Variants in DZIP1L observed in about 807,000 individuals in gnomAD.
DZIP1L encodes the protein cilium assembly protein DZIP1L.
DZIP1L carries 90 observed loss-of-function variants against 88.7 expected under a neutral mutation model. The ratio of observed to expected loss-of-function variants is 1.02; its 90% confidence interval spans 0.86 to 1.21. The LOEUF (loss-of-function observed/expected upper bound fraction) is 1.21. DZIP1L is among the 50% of genes most tolerant of loss of function. The pLI is 0.00. For synonymous variants in DZIP1L, 363 were observed against 372.1 expected (o/e 0.98, Z 0.28); for missense variants, 932 against 955.8 (o/e 0.98, Z 0.33).
rs553542963 is a variant in DZIP1L, at chr3:138,113,964, T to C, written c.-82+1364A>G. 2.6e-5 allele frequency among the ~76,000 whole-genome samples: 4 copies of C among 152,368 alleles called. No individual in the cohort carries two copies. The South Asian group carries it at 8.3e-4, about 32-fold the overall frequency. Reference sequence around the variant, plus strand: ...TTGACTGATGTCTCTTGGGAGTGTTTTAGAGAAGAGGAATGAATACTGACA... The same window carrying C: ...TTGACTGATGTCTCTTGGGAGTGTTCTAGAGAAGAGGAATGAATACTGACA... On this transcript the variant is annotated intron_variant, in intron 1 of 15. Transcript: ENST00000327532.
chr3:138,081,683 G>T (rs760074551), intron 9 of DZIP1L, 51 bp downstream of exon 9: 2 of 1,569,920 alleles, frequency 1.3e-6, no homozygotes, highest in Non-Finnish European at 8.7e-7. Flanking sequence ...AGGGAGAAAA[G>T]CCAGAGACAA....
Position 138,103,979 on chromosome 3 carries a change from G to A in DZIP1L, c.-8C>T, listed in dbSNP as rs1260106891. On this transcript the variant is annotated 5_prime_UTR_variant, in exon 2 of 16. Coordinates refer to ENST00000327532, the MANE Select transcript of DZIP1L (RefSeq NM_173543.3). Reference sequence around the variant, plus strand: ...GGCAGCTGGGGACTGCATGGGCAGAGGAAGCCCTGAGCTGACCACCAGAGG... The same window carrying A: ...GGCAGCTGGGGACTGCATGGGCAGAAGAAGCCCTGAGCTGACCACCAGAGG... 1 of 1,606,176 alleles carries A rather than the reference G, an allele frequency of 6.2e-7. No homozygotes were observed. The highest frequency in any genetic ancestry group is 1.7e-5 in the Admixed American group (1 of 59,672).
intron 11 of DZIP1L, among the ~76,000 whole-genome samples, chr3:138,076,614 C>G (rs1036351709): frequency 6.6e-6 from 1 of 152,112 alleles, no homozygotes; most frequent in African/African-American, 2.4e-5. Context: ...TTTGCTGCAA[C>G]CTGGATGGAA....
Position 138,084,193 on chromosome 3 carries a change from C to A in DZIP1L, c.1123G>T (p.Ala375Ser). Residue 375 changes from alanine (A) to serine (S), a missense_variant, in exon 8 of 16, where the codon GCC becomes TCC. By Grantham distance (99) the Ala-to-Ser change is moderately conservative. Coordinates refer to ENST00000327532, the MANE Select transcript of DZIP1L (RefSeq NM_173543.3). The stretch of plus-strand genomic sequence containing the variant: ...GTGCTGATCTGGCACTGGGACTGGG[C>A]AGCTGCCTTCTTCTGATCCTGAGAC... ...SLSQDQKKAA[A>S]QSQCQISTLR... The A allele has an allele frequency of 6.2e-7, 1 of 1,614,204 alleles. No homozygotes were observed. The highest frequency in any genetic ancestry group is 1.1e-5 in the South Asian group (1 of 91,088).
At chr3:138,102,917 T>C (rs1374245051) in intron 2 of DZIP1L, 5 of 574,974 alleles carry the variant, frequency 8.7e-6, no homozygotes, top group South Asian at 1.9e-5. Flanking sequence ...CTGATGAACA[T>C]GGTGGAAGCA....
At chr3:138,112,580 A>G (rs1451605520) in intron 1 of DZIP1L, 1 of 152,220 alleles carries the variant, frequency 6.6e-6, no homozygotes, top group African/African-American at 2.4e-5. Context: ...GGGCAAGGAC[A>G]TCGTGCTTTT....
intron 1 of DZIP1L, among the ~76,000 whole-genome samples, chr3:138,107,394 A>T (rs1484507499): frequency 1.3e-5 from 2 of 152,130 alleles, no homozygotes; most frequent in Non-Finnish European, 2.9e-5. Flanking sequence ...CCACCAGGAG[A>T]TGATGCAGCA....
In DZIP1L at chr3:138,063,249, G is replaced by C. The variant is rs936979485; in HGVS notation, c.2143-272C>G. 3.9e-5 allele frequency among the ~76,000 whole-genome samples: 6 copies of C among 152,196 alleles called. No homozygotes were observed. Among genetic ancestry groups the C allele is most frequent in the African/African-American group, 1.4e-4 (6 of 41,452 alleles). On this transcript the variant is annotated intron_variant, in intron 15 of 15. Transcript: ENST00000327532. The surrounding 1 kb of genome is among the most constrained non-coding windows in gnomAD (Gnocchi z 4.1). Reference sequence around the variant, plus strand: ...AGTGCCTTGGAAAGGCCTATGTGCAGAGAAGGTTGCTCTCATTTTCACTTC... The same window carrying C: ...AGTGCCTTGGAAAGGCCTATGTGCACAGAAGGTTGCTCTCATTTTCACTTC...
At chr3:138,073,989 A>G (rs1336110394) in intron 11 of DZIP1L, among the ~76,000 whole-genome samples, 1 of 152,160 alleles carries the variant, frequency 6.6e-6, no homozygotes, top group Non-Finnish European at 1.5e-5. Context: ...AGGCTTTCGA[A>G]TTAACACAAT....
At chr3:138,111,761 G>A (rs1178529406) in intron 1 of DZIP1L, among the ~76,000 whole-genome samples, 2 of 152,162 alleles carry the variant, frequency 1.3e-5, no homozygotes, top group Admixed American at 1.3e-4. Flanking sequence ...TTGGGAGGCT[G>A]AGACAGGCGG....
rs115148369 is a variant in DZIP1L at position 138,063,677 on chromosome 3, G to A, written c.2143-700C>T. 0.025 allele frequency among the ~76,000 whole-genome samples: 3,755 copies of A among 152,342 alleles called. 98 individuals carry two copies. The highest frequency in any genetic ancestry group is 0.031 in the Non-Finnish European group (2,137 of 68,032). On this transcript the variant is annotated intron_variant, in intron 15 of 15. Transcript: ENST00000327532. The surrounding 1 kb of genome is among the most constrained non-coding windows in gnomAD (Gnocchi z 4.1). ...CCAATCAGAACCCATGCAGGGTGCA[G>A]GGCAGCAAGCATGCTCTGAGCGGCG... is the stretch of plus-strand genomic sequence containing the variant.
At chr3:138,078,540 C>T (rs1455609192) in intron 10 of DZIP1L, among the ~76,000 whole-genome samples, 2 of 152,282 alleles carry the variant, frequency 1.3e-5, no homozygotes, top group African/African-American at 2.4e-5. Context: ...TAATAAACAG[C>T]GAAGCCTGAG....
rs1344583642 is a variant in DZIP1L, at chr3:138,087,013, C to T, written c.1010G>A (p.Trp337Ter). 2 of 1,613,742 alleles carry T rather than the reference C, an allele frequency of 1.2e-6. No individual in the cohort carries two copies. Among genetic ancestry groups the T allele is most frequent in the Admixed American group, 1.7e-5 (1 of 59,958 alleles). ...ATGCAGTTCCTTCACTTTTCTTTTC[C>T]ACTCCGTTTTCTGAAAAAGATTAAA... ...REKTEIQKTE[W>*]KRKVKELHEE... Residue 337 changes from tryptophan (W) to a stop codon, truncating the protein, a stop_gained, in exon 7 of 16, where the codon TGG (tryptophan) becomes TAG (stop). Coordinates refer to ENST00000327532, the MANE Select transcript of DZIP1L (RefSeq NM_173543.3). LOFTEE classifies it high-confidence loss of function.
At chr3:138,099,862 C>T (rs910061223) in intron 2 of DZIP1L, among the ~76,000 whole-genome samples, 1 of 152,202 alleles carries the variant, frequency 6.6e-6, no homozygotes, top group African/African-American at 2.4e-5. Flanking sequence ...GCCAGCAGAA[C>T]TGTGAGTCAA....
intron 1 of DZIP1L, chr3:138,112,557 C>T (rs1371733225): frequency 6.6e-6 from 1 of 152,152 alleles, no homozygotes; most frequent in Non-Finnish European, 1.5e-5. Flanking sequence ...TACCTGGAAA[C>T]CATACACCCC....
chr3:138,084,242 C>G lies in DZIP1L; in HGVS notation c.1074G>C (p.Glu358Asp), dbSNP rs1943816587. 1 of 1,613,880 alleles carries G rather than the reference C, an allele frequency of 6.2e-7. No homozygotes were observed. The highest frequency in any genetic ancestry group is 8.5e-7 in the Non-Finnish European group (1 of 1,179,886). Residue 358 changes from glutamate to aspartate, a missense_variant, in exon 8 of 16, where the codon GAG becomes GAC. Transcript: ENST00000327532. ...ACAGGGAGGCCTGGAGCCTCTGGTT[C>G]TCCTCCTGTAGCTGGCAGGCACAAG... ...HMAEKKELQE[E>D]NQRLQASLSQ...
Position 138,080,608 on chromosome 3 carries a change from A to G in DZIP1L, c.1247T>C (p.Val416Ala), listed in dbSNP as rs758417408. 129 of 1,613,482 alleles carry G rather than the reference A, an allele frequency of 8.0e-5. No homozygotes were observed. The highest frequency in any genetic ancestry group is 1.1e-4 in the Non-Finnish European group (128 of 1,179,792). ...SLRKVEGIHKVPKAVDTEEDS... is the reference protein window; with the variant it reads ...SLRKVEGIHKAPKAVDTEEDS... Reference sequence around the variant, plus strand: ...CTCCTCTGTGTCCACAGCCTTTGGCACCTTGTGGATCCCTGAAGAGAGGAG... The same window carrying G: ...CTCCTCTGTGTCCACAGCCTTTGGCGCCTTGTGGATCCCTGAAGAGAGGAG... Residue 416 changes from valine to alanine, a missense_variant, in exon 10 of 16, where the codon GTG becomes GCG. By Grantham distance (64) the Val-to-Ala change is moderately conservative. Transcript: ENST00000327532.
chr3:138,064,627 C>T lies in DZIP1L; in HGVS notation c.2142+1G>A. ...TAAACTCTAAGCATCCTACATCCTA[C>T]CTGAGGCTTCCTTCCTGGTGTGGCA... On this transcript the variant is annotated splice_donor_variant, in intron 15 of 15. Coordinates refer to ENST00000327532, the MANE Select transcript of DZIP1L (RefSeq NM_173543.3). LOFTEE classifies it high-confidence loss of function. 1.2e-6 allele frequency: 2 copies of T among 1,614,176 alleles called. No individual in the cohort carries two copies. Among genetic ancestry groups the T allele is most frequent in the Admixed American group, 1.7e-5 (1 of 60,026 alleles).
Position 138,080,521 on chromosome 3 carries a change from A to C in DZIP1L, c.1288+46T>G, listed in dbSNP as rs201518267. 5.6e-6 allele frequency: 9 copies of C among 1,604,508 alleles called. No individual in the cohort carries two copies. In the East Asian group the frequency reaches 2.0e-4, roughly 36 times the overall value. ...AAACTAAACAAGGAGGAGGGCAGCA[A>C]ATCTGTTTCTGCACTGGACACCCAG... On this transcript the variant is annotated intron_variant, in intron 10 of 15. Coordinates refer to ENST00000327532, the MANE Select transcript of DZIP1L (RefSeq NM_173543.3).
Sources: allele counts gnomAD v4.1 joint callset (sites outside exome capture counted in the v4.1 genomes callset), GRCh38; gene constraint gnomAD v4.1.1; non-coding constraint Gnocchi (gnomAD v3.1); transcripts MANE v1.5; gene names NCBI Gene and HGNC (gene_info 2026-07-23, HGNC 2026-07-21).